Variants in TTC7B observed in about 807,000 individuals in gnomAD.
TTC7B encodes the protein tetratricopeptide repeat protein 7B.
A neutral mutation model predicts 106.8 loss-of-function variants in TTC7B; 28 were observed. The ratio of observed to expected loss-of-function variants is 0.26; its 90% CI spans 0.19 to 0.36. The LOEUF is 0.36. Among genes scored for constraint, TTC7B ranks in the 10% least tolerant of loss-of-function variants. TTC7B has a pLI of 1.00. For synonymous variants in TTC7B, 405 were observed against 430.6 expected, an observed-to-expected ratio of 0.94 and a Z score of 0.74; for missense variants, 862 against 1,076.4, an observed-to-expected ratio of 0.80 and a Z score of 2.79.
At chr14:90,690,456 T>A (rs1193285816) in intron 6 of TTC7B, among the ~76,000 whole-genome samples, 1 of 152,224 alleles carries the variant, frequency 6.6e-6, no homozygotes, top group Non-Finnish European at 1.5e-5. Context: ...ACTTCTGTAA[T>A]TCCACTGCCT....
chr14:90,733,087 A>G (rs939696628), intron 4 of TTC7B, among the ~76,000 whole-genome samples: 2 of 152,238 alleles, frequency 1.3e-5, no homozygotes, highest in South Asian at 2.1e-4. Flanking sequence ...CAGGATAAGC[A>G]TTCAATATAC....
intron 1 of TTC7B, among the ~76,000 whole-genome samples, chr14:90,804,893 G>T (rs2030512581): frequency 6.6e-6 from 1 of 152,232 alleles, no homozygotes; most frequent in African/African-American, 2.4e-5. Flanking sequence ...GACCACAGAG[G>T]GGCGGTGGAG....
intron 14 of TTC7B, 65 bp downstream of exon 14, chr14:90,646,886 A>C: frequency 7.1e-7 from 1 of 1,399,828 alleles, no homozygotes; most frequent in Non-Finnish European, 1.0e-6. Flanking sequence ...TTCAAACTGA[A>C]GAGCTGAAGG....
At chr14:90,796,772 G>A (rs918480438) in intron 1 of TTC7B, among the ~76,000 whole-genome samples, 6 of 152,056 alleles carry the variant, frequency 3.9e-5, no homozygotes, top group South Asian at 4.2e-4. Flanking sequence ...GAAACACACC[G>A]CTATTCAGGG....
rs2030535002 is a variant in TTC7B, at chr14:90,805,238, G to A, written c.121+10937C>T. On this transcript the variant is annotated intron_variant, in intron 1 of 19. Coordinates refer to ENST00000328459, the MANE Select transcript of TTC7B (RefSeq NM_001010854.2). This position sits in a 1 kb window ranked among gnomAD's most constrained non-coding sequence, Gnocchi z 4.0. Reference sequence around the variant, plus strand: ...AGTAGGTGTTCAGTAAGAGCTCGATGAGTAATGAATCTAAGTAAACTCCTC... The same window carrying A: ...AGTAGGTGTTCAGTAAGAGCTCGATAAGTAATGAATCTAAGTAAACTCCTC... Among the ~76,000 whole-genome samples the A allele has an allele frequency of 6.6e-6, 1 of 152,206 alleles. No homozygotes were observed. The highest frequency in any genetic ancestry group is 1.5e-5 in the Non-Finnish European group (1 of 68,028).
chr14:90,583,980 C>T (rs1397211778), intron 18 of TTC7B, among the ~76,000 whole-genome samples: 1 of 152,170 alleles, frequency 6.6e-6, no homozygotes, highest in Non-Finnish European at 1.5e-5. Flanking sequence ...CCAGGACCCC[C>T]CAGAAACCCA....
intron 3 of TTC7B, among the ~76,000 whole-genome samples, chr14:90,753,651 G>C (rs1890200791): frequency 6.6e-6 from 1 of 152,212 alleles, no homozygotes; most frequent in African/African-American, 2.4e-5. Context: ...TGGATCCCCT[G>C]TGAGGTCCCT....
intron 7 of TTC7B, among the ~76,000 whole-genome samples, chr14:90,689,188 C>T (rs75226155): frequency 0.01 from 1,574 of 152,098 alleles, 32 homozygotes; most frequent in African/African-American, 0.036. Flanking sequence ...TGGGTGAGAT[C>T]GATGTTAGAT....
At chr14:90,645,336 C>T (rs903376533) in intron 14 of TTC7B, among the ~76,000 whole-genome samples, 1 of 152,204 alleles carries the variant, frequency 6.6e-6, no homozygotes. Flanking sequence ...AATCACAGCT[C>T]TCACAGTTGG....
At chr14:90,544,863 G>T (rs1461671769) in intron 19 of TTC7B, among the ~76,000 whole-genome samples, 1 of 152,172 alleles carries the variant, frequency 6.6e-6, no homozygotes, top group Non-Finnish European at 1.5e-5. Context: ...GACACATGCT[G>T]CATGCTTCTG....
chr14:90,584,529 C>G (rs1233482234), intron 18 of TTC7B, among the ~76,000 whole-genome samples: 1 of 152,194 alleles, frequency 6.6e-6, no homozygotes, highest in Non-Finnish European at 1.5e-5. Context: ...ACAAAGTTGT[C>G]CTCCACTAGC....
At chr14:90,766,018 G>A (rs968433598) in intron 3 of TTC7B, among the ~76,000 whole-genome samples, 1 of 152,092 alleles carries the variant, frequency 6.6e-6, no homozygotes, top group African/African-American at 2.4e-5. Context: ...TACATACATG[G>A]GGAAAATTAG....
At chr14:90,652,755 A>G in intron 13 of TTC7B, 86 bp downstream of exon 13, 1 of 1,495,624 alleles carries the variant, frequency 6.7e-7, no homozygotes, top group South Asian at 1.1e-5. Flanking sequence ...TGTTTACATA[A>G]TCTTTATAAA....
intron 17 of TTC7B, among the ~76,000 whole-genome samples, chr14:90,595,466 T>A (rs573176307): frequency 1.3e-5 from 2 of 152,358 alleles, no homozygotes; most frequent in African/African-American, 2.4e-5. Context: ...TACTATTTTT[T>A]AAAAATCTAC....
At chr14:90,658,524 AC>A in intron 9 of TTC7B, 137 bp from the exon 10 acceptor site, 1 of 807,938 alleles carries the variant, frequency 1.2e-6, no homozygotes, top group Non-Finnish European at 2.0e-6. Context: ...AACATAATCC[AC>A]CACCAAACGG....
intron 16 of TTC7B, among the ~76,000 whole-genome samples, chr14:90,616,084 A>C (rs946805508): frequency 6.6e-6 from 1 of 152,164 alleles, no homozygotes; most frequent in African/African-American, 2.4e-5. Context: ...GCTAAGTGGG[A>C]GGGAATGTGG....
At chr14:90,763,449 A>C (rs1420093609) in intron 3 of TTC7B, among the ~76,000 whole-genome samples, 2 of 152,306 alleles carry the variant, frequency 1.3e-5, no homozygotes, top group Middle Eastern at 3.4e-3. Context: ...CTTTCCCCCT[A>C]AAATAAGGAT....
intron 19 of TTC7B, among the ~76,000 whole-genome samples, chr14:90,566,872 T>C (rs1351058530): frequency 6.6e-6 from 1 of 152,186 alleles, no homozygotes. Flanking sequence ...GTTTGTTCCA[T>C]TCTCTCCTTT....
At chr14:90,584,951 G>A (rs1891653361) in intron 18 of TTC7B, among the ~76,000 whole-genome samples, 1 of 152,116 alleles carries the variant, frequency 6.6e-6, no homozygotes, top group African/African-American at 2.4e-5. Context: ...ACCCTTCCAA[G>A]CCCTCAAGGC....
Sources: allele counts gnomAD v4.1 joint callset (sites outside exome capture counted in the v4.1 genomes callset), GRCh38; gene constraint gnomAD v4.1.1; non-coding constraint Gnocchi (gnomAD v3.1); transcripts MANE v1.5; gene names NCBI Gene and HGNC (gene_info 2026-07-23, HGNC 2026-07-21).